Variants in PRPSAP1 observed in about 807,000 individuals in gnomAD.
PRPSAP1 encodes the protein phosphoribosyl pyrophosphate synthase-associated protein 1.
PRPSAP1 carries 31 observed loss-of-function variants against 39.4 expected under a neutral mutation model. That is an observed-to-expected ratio of 0.79 (90% CI 0.59 to 1.06). The LOEUF is 1.06. Ranked by LOEUF, PRPSAP1 falls within the 50% of genes least tolerant of loss-of-function variation. The pLI is 0.00. For synonymous variants in PRPSAP1, 212 were observed against 192.6 expected (o/e 1.10, Z -0.83); for missense variants, 430 against 511.6 (o/e 0.84, Z 1.54).
At chr17:76,351,171 G>C (rs1314220747) in intron 1 of PRPSAP1, among the ~76,000 whole-genome samples, 1 of 152,170 alleles carries the variant, frequency 6.6e-6, no homozygotes. Flanking sequence ...TCAGGAGTTT[G>C]AGACCAGCCT....
chr17:76,341,234 GTTTT>G (rs5822126), intron 3 of PRPSAP1, among the ~76,000 whole-genome samples: 59,260 of 118,940 alleles, frequency 0.5, 13,598 homozygotes, highest in Middle Eastern at 0.57. Context: ...ACTTTTTTTT[GTTTT>G]TTTTTTTTTT....
chr17:76,349,422 T>C (rs1567811064), intron 1 of PRPSAP1, among the ~76,000 whole-genome samples: 3 of 152,100 alleles, frequency 2.0e-5, no homozygotes, highest in Non-Finnish European at 4.4e-5. Context: ...TAGTAAGCAT[T>C]ACTCTTTTTA....
In PRPSAP1 at chr17:76,347,208, C is replaced by T. The variant is rs546416316; in HGVS notation, c.223+1321G>A. 4.4e-4 allele frequency among the ~76,000 whole-genome samples: 67 copies of T among 151,582 alleles called. No individual in the cohort carries two copies. The South Asian group carries it at 1.0e-2, about 23-fold the overall frequency. ...CACTTAGAAAGCAGACAGAGTGGGC[C>T]GGGCGCGGTGGCTCATGCCTGTAAT... On this transcript the variant is annotated intron_variant, in intron 2 of 9. Coordinates refer to ENST00000446526, the MANE Select transcript of PRPSAP1 (RefSeq NM_002766.3).
intron 2 of PRPSAP1, among the ~76,000 whole-genome samples, chr17:76,345,007 GGGCA>G (rs1275394142): frequency 3.3e-5 from 5 of 151,444 alleles, no homozygotes; most frequent in South Asian, 2.1e-4. Context: ...AGGCCGAGGT[GGGCA>G]GATCACGAGG....
intron 2 of PRPSAP1, among the ~76,000 whole-genome samples, chr17:76,346,306 T>C (rs1007446014): frequency 1.3e-5 from 2 of 152,190 alleles, no homozygotes; most frequent in Non-Finnish European, 2.9e-5. Flanking sequence ...GGAAAGCACC[T>C]TTCCCTTCTA....
intron 1 of PRPSAP1, 36 bp downstream of exon 1, chr17:76,353,498 G>C (rs1475948021): frequency 3.4e-6 from 5 of 1,465,332 alleles, no homozygotes; most frequent in Non-Finnish European, 4.5e-6. Context: ...GCTAGGCGCC[G>C]CCGCCCCCGG....
intron 3 of PRPSAP1, among the ~76,000 whole-genome samples, chr17:76,344,238 C>T (rs909040800): frequency 7.9e-5 from 12 of 152,210 alleles, no homozygotes; most frequent in African/African-American, 2.7e-4. Flanking sequence ...CGCCTTTCTC[C>T]TATCTCAGCC....
At chr17:76,353,121 T>C in intron 1 of PRPSAP1, 2 of 157,788 alleles carry the variant, frequency 1.3e-5, no homozygotes, top group Non-Finnish European at 1.4e-5. Context: ...CGCCCGCGGG[T>C]CTCACTGCAG....
At chr17:76,340,656 C>T (rs1290420100) in intron 3 of PRPSAP1, among the ~76,000 whole-genome samples, 2 of 151,946 alleles carry the variant, frequency 1.3e-5, no homozygotes, top group Non-Finnish European at 2.9e-5. Flanking sequence ...TTTGGGAGGC[C>T]GAGGCGGGCA....
intron 1 of PRPSAP1, among the ~76,000 whole-genome samples, chr17:76,351,359 C>CA (rs1368931625): frequency 2.0e-5 from 3 of 152,072 alleles, no homozygotes; most frequent in Non-Finnish European, 4.4e-5. Context: ...ACTAAAAATA[C>CA]AAAAAATTAG....
chr17:76,350,594 G>C (rs1263390709), intron 1 of PRPSAP1, among the ~76,000 whole-genome samples: 1 of 152,188 alleles, frequency 6.6e-6, no homozygotes, highest in African/African-American at 2.4e-5. Context: ...AAGTAGAATG[G>C]AGGCTACCAG....
intron 7 of PRPSAP1, 33 bp from the exon 8 acceptor site, chr17:76,313,924 T>C: frequency 6.2e-7 from 1 of 1,607,764 alleles, no homozygotes; most frequent in South Asian, 1.1e-5. Context: ...AAGATCTCAG[T>C]CATTCATGTA....
rs538060164 is a variant in PRPSAP1 at position 76,334,672 on chromosome 17, T to C, written c.291-2237A>G. ...AAAAATGTCTCCCTGAGGAGACTGA[T>C]GCAGGGCTCAACTTCAAGACAACTA... On this transcript the variant is annotated intron_variant, in intron 3 of 9. Coordinates refer to ENST00000446526, the MANE Select transcript of PRPSAP1 (RefSeq NM_002766.3). 1.6e-4 allele frequency among the ~76,000 whole-genome samples: 25 copies of C among 152,306 alleles called. No individual in the cohort carries two copies. The East Asian group carries it at 4.6e-3, about 28-fold the overall frequency.
intron 2 of PRPSAP1, among the ~76,000 whole-genome samples, chr17:76,345,221 C>G (rs1251800307): frequency 2.0e-5 from 2 of 100,104 alleles, no homozygotes; most frequent in South Asian, 7.5e-4. Flanking sequence ...GGTGACAGAG[C>G]AAGATTCCGT....
At chr17:76,332,884 G>A (rs890066805) in intron 3 of PRPSAP1, among the ~76,000 whole-genome samples, 3 of 151,688 alleles carry the variant, frequency 2.0e-5, no homozygotes, top group African/African-American at 7.3e-5. Context: ...GGGAGGTCTT[G>A]GAATATAATT....
intron 3 of PRPSAP1, 85 bp downstream of exon 3, chr17:76,344,586 A>C: frequency 8.3e-7 from 1 of 1,204,208 alleles, no homozygotes; most frequent in Non-Finnish European, 1.2e-6. Flanking sequence ...TTTTAAAAAC[A>C]CTAAGTTGTT....
intron 1 of PRPSAP1, among the ~76,000 whole-genome samples, chr17:76,351,131 C>G (rs941900309): frequency 6.6e-6 from 1 of 152,136 alleles, no homozygotes; most frequent in Non-Finnish European, 1.5e-5. Flanking sequence ...GGCGCAGTAG[C>G]TCACGCCTAT....
chr17:76,330,296 AAAAAT>A (rs1256366361), intron 5 of PRPSAP1, 198 bp from the exon 6 acceptor site: 1 of 592,942 alleles, frequency 1.7e-6, no homozygotes, highest in Admixed American at 3.2e-5. Flanking sequence ...AGAATTTTTT[AAAAAT>A]AATTCTTAAA....
intron 7 of PRPSAP1, among the ~76,000 whole-genome samples, chr17:76,322,666 C>T (rs1484072831): frequency 2.0e-5 from 3 of 152,058 alleles, no homozygotes; most frequent in Non-Finnish European, 4.4e-5. Flanking sequence ...CAAGACAAGA[C>T]CCTGTCTCTA....
Sources: gnomAD v4.1 joint callset for allele counts (sites outside exome capture counted in the v4.1 genomes callset) on GRCh38, gnomAD v4.1.1 for gene constraint, MANE v1.5 for transcripts, NCBI Gene and HGNC (gene_info 2026-07-23, HGNC 2026-07-21) for gene names.